The following NRG3 variants were observed in gnomAD, a reference collection of about 807,000 sequenced individuals.
NRG3 encodes the protein pro-neuregulin-3, membrane-bound isoform.
Under a neutral mutation model 66.9 loss-of-function variants are expected in NRG3, and 31 were observed. That is an observed-to-expected ratio of 0.46 (90% CI 0.35 to 0.63). The LOEUF is 0.63. Ranked by LOEUF, NRG3 falls within the 20% of genes least tolerant of loss-of-function variation. NRG3 has a pLI of 0.00. For synonymous variants in NRG3, 393 were observed against 359.4 expected (o/e 1.09, Z -1.06); for missense variants, 910 against 878.9 (o/e 1.04, Z -0.45).
chr10:82,880,728 G>C (rs1407292187), intron 4 of NRG3, among the ~76,000 whole-genome samples: 1 of 152,118 alleles, frequency 6.6e-6, no homozygotes, highest in Non-Finnish European at 1.5e-5. Context: ...TAAAAATGCA[G>C]GACACCCACA....
intron 2 of NRG3, among the ~76,000 whole-genome samples, chr10:82,501,950 C>G (rs1176879109): frequency 6.6e-6 from 1 of 152,166 alleles, no homozygotes; most frequent in Non-Finnish European, 1.5e-5. Context: ...ACCCCAAACA[C>G]TGCCTGGCAC....
At chr10:82,136,005 A>G (rs187779336) in intron 1 of NRG3, among the ~76,000 whole-genome samples, 210 of 152,258 alleles carry the variant, frequency 1.4e-3, no homozygotes, top group African/African-American at 4.9e-3. Context: ...ATGTATTCAA[A>G]TGGAATAGAG....
intron 3 of NRG3, among the ~76,000 whole-genome samples, chr10:82,847,295 G>C (rs1254819660): frequency 6.6e-6 from 1 of 152,172 alleles, no homozygotes; most frequent in Admixed American, 6.5e-5. Flanking sequence ...TACAAAGAAG[G>C]CTGCAAAATT....
Position 82,615,889 on chromosome 10 carries a change from C to A in NRG3, c.954-122688C>A, listed in dbSNP as rs554904264. On this transcript the variant is annotated intron_variant, in intron 2 of 8. Transcript: ENST00000372141. ...TAATTCATGGATGCTGATTACCTGA[C>A]CTTTTCTTGCAGCAGACTACTCCTG... 2.0e-5 allele frequency among the ~76,000 whole-genome samples: 3 copies of A among 152,148 alleles called. No individual in the cohort carries two copies. In the South Asian group the frequency reaches 6.2e-4, roughly 31 times the overall value.
At chr10:82,143,455 A>G (rs1231147245) in intron 1 of NRG3, among the ~76,000 whole-genome samples, 3 of 152,174 alleles carry the variant, frequency 2.0e-5, no homozygotes, top group Admixed American at 6.5e-5. Flanking sequence ...AGTGGTTGGT[A>G]TAGTTAAGCA....
At chr10:82,448,796 GCATA>G (rs1175346139) in intron 2 of NRG3, among the ~76,000 whole-genome samples, 1 of 151,934 alleles carries the variant, frequency 6.6e-6, no homozygotes, top group Non-Finnish European at 1.5e-5. Flanking sequence ...ATATATTCAT[GCATA>G]CATAATTGTC....
intron 2 of NRG3, among the ~76,000 whole-genome samples, chr10:82,529,768 T>C (rs1340725537): frequency 6.6e-6 from 1 of 152,186 alleles, no homozygotes; most frequent in African/African-American, 2.4e-5. Context: ...AATCACTTGT[T>C]ATTTTAGGAA....
chr10:82,770,824 T>C (rs965590561), intron 3 of NRG3, among the ~76,000 whole-genome samples: 4 of 152,040 alleles, frequency 2.6e-5, no homozygotes, highest in Admixed American at 6.6e-5. Flanking sequence ...TTGGGTGTCT[T>C]GGACAAGGAA....
At chr10:82,277,215 G>T (rs961238365) in intron 1 of NRG3, among the ~76,000 whole-genome samples, 7 of 151,864 alleles carry the variant, frequency 4.6e-5, no homozygotes, top group African/African-American at 9.7e-5. Flanking sequence ...GTACGTTTTG[G>T]ATCATAAAAT....
intron 1 of NRG3, among the ~76,000 whole-genome samples, chr10:81,901,090 A>G (rs1040393505): frequency 1.3e-5 from 2 of 152,218 alleles, no homozygotes; most frequent in Admixed American, 1.3e-4. Flanking sequence ...AGCTCCAGAT[A>G]GAAATCCAAA....
intron 1 of NRG3, among the ~76,000 whole-genome samples, chr10:82,285,633 G>T (rs1368255490): frequency 6.6e-6 from 1 of 152,096 alleles, no homozygotes; most frequent in African/African-American, 2.4e-5. Context: ...ACAGTTCCTG[G>T]CTCAGAACAC....
chr10:82,219,324 A>T (rs990507934), intron 1 of NRG3, among the ~76,000 whole-genome samples: 2 of 147,756 alleles, frequency 1.4e-5, no homozygotes, highest in Non-Finnish European at 3.0e-5. Context: ...GCAATAAAAA[A>T]TATCTTCAGA....
chr10:81,951,425 T>C (rs745931937), intron 1 of NRG3, among the ~76,000 whole-genome samples: 3 of 152,194 alleles, frequency 2.0e-5, no homozygotes, highest in Non-Finnish European at 4.4e-5. Flanking sequence ...AGTTTAATAA[T>C]AATCTTTGCA....
At chr10:82,468,727 T>C (rs894465046) in intron 2 of NRG3, among the ~76,000 whole-genome samples, 4 of 152,212 alleles carry the variant, frequency 2.6e-5, no homozygotes, top group Admixed American at 6.5e-5. Context: ...CAGCAGGCAC[T>C]TTAGATCTAT....
At chr10:82,532,047 G>A (rs1847321020) in intron 2 of NRG3, among the ~76,000 whole-genome samples, 1 of 151,764 alleles carries the variant, frequency 6.6e-6, no homozygotes, top group East Asian at 1.9e-4. Flanking sequence ...AGGAGTATAT[G>A]TGATACTTTG....
intron 2 of NRG3, among the ~76,000 whole-genome samples, chr10:82,598,017 A>C (rs1166258644): frequency 6.6e-6 from 1 of 151,958 alleles, no homozygotes; most frequent in Non-Finnish European, 1.5e-5. Flanking sequence ...GTGATTTGTG[A>C]TCTTTCTAGG....
rs190638861 is a variant in NRG3 at position 82,489,780 on chromosome 10, A to G, written c.953+130912A>G. Among the ~76,000 whole-genome samples, 185 of 152,324 alleles carry G rather than the reference A, an allele frequency of 1.2e-3. 1 individual carries two copies. The highest frequency in any genetic ancestry group is 4.1e-3 in the African/African-American group (172 of 41,574). On this transcript the variant is annotated intron_variant, in intron 2 of 8. Transcript: ENST00000372141. Reference sequence around the variant, plus strand: ...CTTTATTGTATTCTTATCAAAATCTATTGAAAAAAGTATTGTTATCTCATT... The same window carrying G: ...CTTTATTGTATTCTTATCAAAATCTGTTGAAAAAAGTATTGTTATCTCATT...
chr10:82,251,677 A>AT (rs1428365162), intron 1 of NRG3, among the ~76,000 whole-genome samples: 1 of 152,056 alleles, frequency 6.6e-6, no homozygotes. Context: ...GGATTTCGAG[A>AT]TTTTCAAAGG....
chr10:82,191,319 A>T (rs2074129763), intron 1 of NRG3, among the ~76,000 whole-genome samples: 2 of 152,164 alleles, frequency 1.3e-5, no homozygotes, highest in African/African-American at 2.4e-5. Flanking sequence ...ATATAATGTC[A>T]GCTCAGGCAG....
Sources: allele counts gnomAD v4.1 joint callset (sites outside exome capture counted in the v4.1 genomes callset), GRCh38; gene constraint gnomAD v4.1.1; transcripts MANE v1.5; gene names NCBI Gene and HGNC (gene_info 2026-07-23, HGNC 2026-07-21).